The following ANKS1B variants were observed in gnomAD, a reference collection of about 807,000 sequenced individuals.
The protein encoded by ANKS1B is ankyrin repeat and sterile alpha motif domain-containing protein 1B.
Under a neutral mutation model 148.3 loss-of-function variants are expected in ANKS1B, and 36 were observed. The ratio of observed to expected loss-of-function variants is 0.24; its 90% CI spans 0.19 to 0.32. The LOEUF (loss-of-function observed/expected upper bound fraction) is 0.32, where lower values mean the gene tolerates loss of function less well. Ranked by LOEUF, ANKS1B falls within the 10% of genes least tolerant of loss-of-function variation. ANKS1B has a pLI of 1.00. For missense variants in ANKS1B, 1,157 were observed against 1,542.6 expected, an observed-to-expected ratio of 0.75 and a Z score of 4.19; for synonymous variants, 542 against 560.8, an observed-to-expected ratio of 0.97 and a Z score of 0.47.
At chr12:99,128,686 A>C (rs1566282084) in intron 15 of ANKS1B, among the ~76,000 whole-genome samples, 1 of 152,218 alleles carries the variant, frequency 6.6e-6, no homozygotes, top group Non-Finnish European at 1.5e-5. Context: ...ACTCAGGAGC[A>C]GCCTGTGGTA....
At chr12:99,977,242 C>T (rs1003383884) in intron 1 of ANKS1B, among the ~76,000 whole-genome samples, 5 of 152,170 alleles carry the variant, frequency 3.3e-5, no homozygotes. Context: ...CTCCTGGGTT[C>T]AAGCAATTCT....
chr12:98,866,757 C>T (rs910392980), intron 17 of ANKS1B, among the ~76,000 whole-genome samples: 4 of 152,210 alleles, frequency 2.6e-5, no homozygotes, highest in Non-Finnish European at 5.9e-5. Flanking sequence ...TACAACATTG[C>T]TTCCTGCAGA....
intron 12 of ANKS1B, among the ~76,000 whole-genome samples, chr12:99,277,885 A>T (rs1012388805): frequency 6.6e-6 from 1 of 152,212 alleles, no homozygotes. Flanking sequence ...TGGTAGCCTG[A>T]ACAATAGATA....
chr12:99,846,988 G>T (rs2086774303), intron 1 of ANKS1B, among the ~76,000 whole-genome samples: 1 of 152,114 alleles, frequency 6.6e-6, no homozygotes, highest in Non-Finnish European at 1.5e-5. Flanking sequence ...AGAAAAACTT[G>T]AAGTGTGTTG....
chr12:99,376,086 G>C (rs773110314), intron 12 of ANKS1B, among the ~76,000 whole-genome samples: 1 of 152,104 alleles, frequency 6.6e-6, no homozygotes, highest in Non-Finnish European at 1.5e-5. Context: ...CAAACCATTC[G>C]CTGTTCAAAA....
chr12:98,927,954 G>A (rs574529346), intron 17 of ANKS1B, among the ~76,000 whole-genome samples: 7 of 151,398 alleles, frequency 4.6e-5, no homozygotes, highest in African/African-American at 1.7e-4. Flanking sequence ...AAATAATTTA[G>A]AGAACAGTAA....
At chr12:98,936,978 T>G (rs2099819360) in intron 17 of ANKS1B, among the ~76,000 whole-genome samples, 1 of 152,246 alleles carries the variant, frequency 6.6e-6, no homozygotes. Flanking sequence ...AGTCCCTGTG[T>G]GACCCAGTGA....
chr12:99,344,271 A>T (rs2090352895), intron 12 of ANKS1B, among the ~76,000 whole-genome samples: 1 of 151,998 alleles, frequency 6.6e-6, no homozygotes, highest in South Asian at 2.1e-4. Flanking sequence ...ATTTGTTGAC[A>T]CATTCTTTTA....
chr12:99,074,702 G>A (rs542415998), intron 16 of ANKS1B, among the ~76,000 whole-genome samples: 2 of 152,276 alleles, frequency 1.3e-5, no homozygotes, highest in East Asian at 3.9e-4. Context: ...TGAAGGACAT[G>A]CCTTATCCCT....
chr12:99,779,673 ATACT>A lies in ANKS1B; in HGVS notation c.847+194_847+197del, dbSNP rs369789005. On this transcript the variant is annotated intron_variant, in intron 6 of 26. Coordinates refer to ENST00000683438, the MANE Select transcript of ANKS1B (RefSeq NM_001352186.2). ...AAATAAATACCTTAACTTCTTTAAA[ATACT>A]TACTGAGTAGTTGAAAAACAAAAAT... 2.0e-4 allele frequency among the ~76,000 whole-genome samples: 31 copies of A among 152,304 alleles called. 1 individual carries two copies. The highest frequency in any genetic ancestry group is 4.0e-4 in the Non-Finnish European group (27 of 68,026).
chr12:99,633,790 GA>G (rs2098200173), intron 9 of ANKS1B, among the ~76,000 whole-genome samples: 1 of 151,966 alleles, frequency 6.6e-6, no homozygotes, highest in Non-Finnish European at 1.5e-5. Flanking sequence ...AAATTTACAA[GA>G]AAAAAACAAC....
At chr12:99,170,632 C>G (rs890590548) in intron 14 of ANKS1B, among the ~76,000 whole-genome samples, 1 of 152,110 alleles carries the variant, frequency 6.6e-6, no homozygotes, top group African/African-American at 2.4e-5. Context: ...CAGTGCATTT[C>G]CTTGCCCAGT....
At chr12:99,855,511 A>C (rs2088867003) in intron 1 of ANKS1B, among the ~76,000 whole-genome samples, 1 of 152,106 alleles carries the variant, frequency 6.6e-6, no homozygotes, top group African/African-American at 2.4e-5. Context: ...CATTAAGACA[A>C]AAAGTCAACA....
intron 10 of ANKS1B, among the ~76,000 whole-genome samples, chr12:99,486,474 A>G (rs187635695): frequency 1.3e-5 from 2 of 151,320 alleles, no homozygotes; most frequent in East Asian, 3.9e-4. Flanking sequence ...TTATTTATTT[A>G]TTTATTTATT....
intron 14 of ANKS1B, among the ~76,000 whole-genome samples, chr12:99,216,322 C>A (rs1412514155): frequency 6.6e-6 from 1 of 152,148 alleles, no homozygotes; most frequent in African/African-American, 2.4e-5. Flanking sequence ...GAGTCATACA[C>A]CCTGGGACCC....
chr12:99,518,120 C>T (rs977167130), intron 9 of ANKS1B, among the ~76,000 whole-genome samples: 1 of 152,122 alleles, frequency 6.6e-6, no homozygotes, highest in Non-Finnish European at 1.5e-5. Context: ...ATTCAGTTTG[C>T]TAACATTTTG....
intron 1 of ANKS1B, among the ~76,000 whole-genome samples, chr12:99,843,467 CTCA>C (rs1413239052): frequency 1.3e-5 from 2 of 152,196 alleles, no homozygotes; most frequent in Admixed American, 6.5e-5. Flanking sequence ...TCCATGGGTT[CTCA>C]TCATTTGCCT....
chr12:98,831,924 C>G (rs1403868943), intron 18 of ANKS1B, 105 bp downstream of exon 18: 2 of 1,071,348 alleles, frequency 1.9e-6, no homozygotes, highest in African/African-American at 3.1e-5. Flanking sequence ...TAAATTTTTT[C>G]TGTTTTCAGT....
intron 2 of ANKS1B, among the ~76,000 whole-genome samples, chr12:99,819,766 G>A (rs115035701): frequency 6.6e-6 from 1 of 151,448 alleles, no homozygotes; most frequent in African/African-American, 2.4e-5. Flanking sequence ...TAACCTCACA[G>A]GGAAAGATAA....
Sources: gnomAD v4.1 joint callset for allele counts (sites outside exome capture counted in the v4.1 genomes callset) on GRCh38, gnomAD v4.1.1 for gene constraint, MANE v1.5 for transcripts, NCBI Gene and HGNC (gene_info 2026-07-23, HGNC 2026-07-21) for gene names.